Variants in ELOVL5 observed in about 807,000 individuals in gnomAD.
The protein encoded by ELOVL5 is ELOVL fatty acid elongase 5.
ELOVL5 carries 8 observed loss-of-function variants against 38.6 expected under a neutral mutation model. That is an observed-to-expected ratio of 0.21 (90% CI 0.12 to 0.37). ELOVL5 has a LOEUF of 0.37. Ranked by LOEUF, ELOVL5 falls within the 10% of genes least tolerant of loss-of-function variation. ELOVL5 has a pLI of 1.00. For synonymous variants in ELOVL5, 127 were observed against 133.7 expected, an observed-to-expected ratio of 0.95 and a Z score of 0.34; for missense variants, 280 against 367.8, an observed-to-expected ratio of 0.76 and a Z score of 1.95.
chr6:53,332,756 C>A (rs1768863976), intron 1 of ELOVL5, among the ~76,000 whole-genome samples: 1 of 152,232 alleles, frequency 6.6e-6, no homozygotes. Flanking sequence ...CCATGTCAGT[C>A]AGTTTTCATC....
At chr6:53,304,654 T>A (rs1483825430) in intron 1 of ELOVL5, among the ~76,000 whole-genome samples, 2 of 152,160 alleles carry the variant, frequency 1.3e-5, no homozygotes, top group Non-Finnish European at 2.9e-5. Flanking sequence ...CCTTCAAGCA[T>A]CTGTTTAACA....
chr6:53,274,479 G>A (rs1390473711), intron 5 of ELOVL5, among the ~76,000 whole-genome samples: 1 of 152,178 alleles, frequency 6.6e-6, no homozygotes, highest in Non-Finnish European at 1.5e-5. Flanking sequence ...CGGGACTTTT[G>A]ACTGAGACAT....
intron 3 of ELOVL5, chr6:53,288,054 A>C (rs1561868795): frequency 1.1e-6 from 1 of 903,452 alleles, no homozygotes; most frequent in South Asian, 1.4e-5. Flanking sequence ...GCATCTGCCT[A>C]AGAGGGAAAC....
chr6:53,292,982 G>T (rs1349660421), intron 2 of ELOVL5, among the ~76,000 whole-genome samples: 2 of 152,144 alleles, frequency 1.3e-5, no homozygotes, highest in Non-Finnish European at 2.9e-5. Context: ...GCAGGGAGGA[G>T]GGAGAGGGAA....
intron 3 of ELOVL5, among the ~76,000 whole-genome samples, chr6:53,288,943 G>A (rs1766671500): frequency 6.6e-6 from 1 of 152,170 alleles, no homozygotes; most frequent in Admixed American, 6.5e-5. Context: ...GCATGCTCCT[G>A]TAGTCCCAGC....
At chr6:53,348,055 C>T (rs916562256) in intron 1 of ELOVL5, among the ~76,000 whole-genome samples, 27 of 147,184 alleles carry the variant, frequency 1.8e-4, no homozygotes, top group Middle Eastern at 3.8e-3. Flanking sequence ...CGCAGCCAAC[C>T]GCTCCCGCCT....
At chr6:53,325,654 G>C (rs1334157289) in intron 1 of ELOVL5, among the ~76,000 whole-genome samples, 2 of 152,192 alleles carry the variant, frequency 1.3e-5, no homozygotes, top group Non-Finnish European at 2.9e-5. Context: ...CCAGAGGAGG[G>C]GGACTTCCAC....
intron 1 of ELOVL5, 21 bp downstream of exon 1, chr6:53,348,796 T>C (rs1006050550): frequency 2.2e-6 from 1 of 454,058 alleles, no homozygotes; most frequent in East Asian, 7.1e-5. Context: ...CGACGAAGTT[T>C]CCCGGAGCTG....
chr6:53,276,947 T>G (rs530429687), intron 3 of ELOVL5: 9 of 150,652 alleles, frequency 6.0e-5, no homozygotes, highest in Non-Finnish European at 1.2e-4. Flanking sequence ...TGCAGCACAG[T>G]AGGCACTATG....
intron 3 of ELOVL5, among the ~76,000 whole-genome samples, chr6:53,283,262 A>C (rs1263471865): frequency 1.3e-5 from 2 of 152,248 alleles, no homozygotes; most frequent in African/African-American, 4.8e-5. Flanking sequence ...TTAGAAAAAG[A>C]GAAATCAGCT....
chr6:53,294,194 C>T lies in ELOVL5; in HGVS notation c.58+1448G>A, dbSNP rs543871457. On this transcript the variant is annotated intron_variant, in intron 2 of 7. Transcript: ENST00000304434. ...TCCTCCCACACCGCACAGTGCTTCC[C>T]GGGCACCTGACCCGAACTCCAGCCC... 4.4e-5 allele frequency: 65 copies of T among 1,468,768 alleles called. No individual in the cohort carries two copies. In the African/African-American group the frequency reaches 5.0e-4, roughly 11 times the overall value. 91.0% of individuals were successfully genotyped at this position (1,468,768 alleles called of 1,614,324 possible).
chr6:53,291,429 A>G (rs1465536516), intron 3 of ELOVL5, among the ~76,000 whole-genome samples: 2 of 152,242 alleles, frequency 1.3e-5, no homozygotes, highest in Non-Finnish European at 2.9e-5. Context: ...CTTAATAATA[A>G]AATGCTTTCA....
In ELOVL5 at chr6:53,348,916, G is replaced by A. The variant is rs777839008; in HGVS notation, c.-108C>T. On this transcript the variant is annotated 5_prime_UTR_variant, in exon 1 of 8. Coordinates refer to ENST00000304434, the MANE Select transcript of ELOVL5 (RefSeq NM_021814.5). ...CGGCGCAGAGGCGGATGTAGAAGGA[G>A]ACACCGGTGGCTAGGACCCGCGCGA... 40 of 448,640 alleles carry A rather than the reference G, an allele frequency of 8.9e-5. 1 individual carries two copies. The highest frequency in any genetic ancestry group is 5.7e-4 in the South Asian group (37 of 64,414). 27.8% of individuals were successfully genotyped at this position (448,640 alleles called of 1,614,324 possible). A position where few individuals can be genotyped will look rare whatever the true frequency, so the allele number is the denominator to read the frequency against.
chr6:53,284,997 G>A (rs1381152473), intron 3 of ELOVL5, among the ~76,000 whole-genome samples: 1 of 152,060 alleles, frequency 6.6e-6, no homozygotes, highest in Non-Finnish European at 1.5e-5. Context: ...CTTATTTCCT[G>A]AGATACAACA....
intron 3 of ELOVL5, among the ~76,000 whole-genome samples, chr6:53,286,965 TAAAC>T (rs927954242): frequency 2.0e-5 from 3 of 152,316 alleles, no homozygotes; most frequent in African/African-American, 4.8e-5. Flanking sequence ...TTTTCTTATT[TAAAC>T]AAACAAACAA....
chr6:53,280,542 A>G (rs1427094835), intron 3 of ELOVL5, among the ~76,000 whole-genome samples: 1 of 152,204 alleles, frequency 6.6e-6, no homozygotes, highest in Non-Finnish European at 1.5e-5. Context: ...TCAATGAAAG[A>G]AAAAAATGTA....
intron 1 of ELOVL5, among the ~76,000 whole-genome samples, chr6:53,331,618 A>G (rs745701653): frequency 2.0e-5 from 3 of 152,202 alleles, no homozygotes; most frequent in Non-Finnish European, 4.4e-5. Flanking sequence ...ATCACTGACC[A>G]AAATATGGTT....
At chr6:53,289,490 G>A (rs971548082) in intron 3 of ELOVL5, among the ~76,000 whole-genome samples, 4 of 152,164 alleles carry the variant, frequency 2.6e-5, no homozygotes, top group South Asian at 2.1e-4. Flanking sequence ...AGGCCGAGGC[G>A]GGTGGATCAC....
At position 53,302,621 on chromosome 6, in the gene ELOVL5, G is replaced by GT. The variant is rs568699415; in HGVS notation, c.-8-6915dup. ...TCTTAAGGCAAATCTGTTTTAAAAG[G>GT]TATCAAGATTTTTAAAAATATACAT... On this transcript the variant is annotated intron_variant, in intron 1 of 7. Transcript: ENST00000304434. Among the ~76,000 whole-genome samples, 66 of 151,172 alleles carry GT rather than the reference G, an allele frequency of 4.4e-4. No individual in the cohort carries two copies. In the South Asian group the frequency reaches 0.013, roughly 30 times the overall value.
Sources: gnomAD v4.1 joint callset for allele counts (sites outside exome capture counted in the v4.1 genomes callset) on GRCh38, gnomAD v4.1.1 for gene constraint, MANE v1.5 for transcripts, NCBI Gene and HGNC (gene_info 2026-07-23, HGNC 2026-07-21) for gene names.